The following GPC6 variants were observed in gnomAD, a reference collection of about 807,000 sequenced individuals.
The protein encoded by GPC6 is glypican 6.
In GPC6, 14 loss-of-function variants were observed where a neutral mutation model predicts 55.2. That is an observed-to-expected ratio of 0.25 (90% CI 0.17 to 0.40). The LOEUF (loss-of-function observed/expected upper bound fraction) is 0.40, where lower values mean the gene tolerates loss of function less well. Among genes scored for constraint, GPC6 ranks in the 10% least tolerant of loss-of-function variants. GPC6 has a pLI of 1.00. For synonymous variants in GPC6, 278 were observed against 259.6 expected (o/e 1.07, Z -0.68); for missense variants, 641 against 708.5 (o/e 0.90, Z 1.08).
chr13:94,212,418 T>C (rs1043941241), intron 4 of GPC6, among the ~76,000 whole-genome samples: 17 of 152,218 alleles, frequency 1.1e-4, no homozygotes, highest in African/African-American at 3.9e-4. Flanking sequence ...GTAACATCTG[T>C]ATTACATACC....
chr13:94,400,880 T>C (rs947380928), intron 8 of GPC6, among the ~76,000 whole-genome samples: 1 of 152,202 alleles, frequency 6.6e-6, no homozygotes, highest in African/African-American at 2.4e-5. Context: ...AACAGATAGA[T>C]GTTATTACTC....
chr13:93,396,490 G>A (rs1385750427), intron 1 of GPC6, among the ~76,000 whole-genome samples: 2 of 152,030 alleles, frequency 1.3e-5, no homozygotes, highest in Non-Finnish European at 2.9e-5. Context: ...TTGAACCCGG[G>A]AGGCGGAGGT....
chr13:93,929,417 A>G (rs1878039108), intron 3 of GPC6, among the ~76,000 whole-genome samples: 1 of 152,228 alleles, frequency 6.6e-6, no homozygotes, highest in Non-Finnish European at 1.5e-5. Flanking sequence ...GTCATCCTCA[A>G]GTGGCGTATA....
At chr13:94,050,853 G>A (rs933072667) in intron 4 of GPC6, among the ~76,000 whole-genome samples, 2 of 152,112 alleles carry the variant, frequency 1.3e-5, no homozygotes, top group African/African-American at 4.8e-5. Context: ...CACTCCTTCA[G>A]TGCCTACCAG....
intron 1 of GPC6, among the ~76,000 whole-genome samples, chr13:93,516,848 G>T (rs147829227): frequency 1.3e-5 from 2 of 152,048 alleles, no homozygotes; most frequent in African/African-American, 4.8e-5. Context: ...TGAATTGGGT[G>T]GATATGCAGT....
rs141401050 is a variant in GPC6 at position 93,606,893 on chromosome 13, A to G, written c.319+61472A>G. 5.4e-3 allele frequency among the ~76,000 whole-genome samples: 826 copies of G among 152,356 alleles called. 10 individuals carry two copies. Among genetic ancestry groups the G allele is most frequent in the African/African-American group, 0.019 (792 of 41,592 alleles). Reference sequence around the variant, plus strand: ...CCATTTTACAAACAAATCAAACTCCAGCAGGACCTAAAAATATTAGAGATT... The same window carrying G: ...CCATTTTACAAACAAATCAAACTCCGGCAGGACCTAAAAATATTAGAGATT... On this transcript the variant is annotated intron_variant, in intron 2 of 8. Transcript: ENST00000377047.
At chr13:93,385,016 A>G (rs769908181) in intron 1 of GPC6, among the ~76,000 whole-genome samples, 2 of 152,210 alleles carry the variant, frequency 1.3e-5, no homozygotes, top group Non-Finnish European at 2.9e-5. Context: ...GAAGGGAATC[A>G]AATAAGCAAG....
At chr13:94,295,537 G>C (rs948447832) in intron 5 of GPC6, among the ~76,000 whole-genome samples, 5 of 152,038 alleles carry the variant, frequency 3.3e-5, no homozygotes, top group Non-Finnish European at 7.4e-5. Flanking sequence ...AAAGGGAGAT[G>C]GATCTCTAAA....
chr13:93,530,977 T>A (rs1189525087), intron 1 of GPC6, among the ~76,000 whole-genome samples: 1 of 152,182 alleles, frequency 6.6e-6, no homozygotes, highest in African/African-American at 2.4e-5. Context: ...ACTGGAAAGT[T>A]GGTTAACACA....
chr13:93,400,841 A>G (rs1268887007), intron 1 of GPC6, among the ~76,000 whole-genome samples: 1 of 152,170 alleles, frequency 6.6e-6, no homozygotes, highest in African/African-American at 2.4e-5. Flanking sequence ...GGTTTGATGC[A>G]GAGCTGGGGG....
intron 1 of GPC6, among the ~76,000 whole-genome samples, chr13:93,484,147 T>C (rs1879615977): frequency 6.8e-6 from 1 of 146,122 alleles, no homozygotes; most frequent in African/African-American, 2.5e-5. Context: ...CTTCAGCATC[T>C]GCCATAGCAA....
intron 4 of GPC6, among the ~76,000 whole-genome samples, chr13:94,245,692 CT>C (rs1446219693): frequency 6.6e-6 from 1 of 151,894 alleles, no homozygotes; most frequent in Non-Finnish European, 1.5e-5. Flanking sequence ...GCAAGATCTC[CT>C]TTTTTAAGGC....
chr13:94,266,729 A>G (rs1186926323), intron 4 of GPC6, among the ~76,000 whole-genome samples: 5 of 152,170 alleles, frequency 3.3e-5, no homozygotes, highest in Non-Finnish European at 5.9e-5. Flanking sequence ...GATAATTGCA[A>G]GTGTTGCTTG....
intron 4 of GPC6, among the ~76,000 whole-genome samples, chr13:94,184,388 A>G (rs371561559): frequency 2.6e-4 from 39 of 152,320 alleles, no homozygotes; most frequent in East Asian, 1.7e-3. Flanking sequence ...CAAACTATGC[A>G]TCCAACAAAG....
Position 94,047,877 on chromosome 13 carries a change from A to T in GPC6, c.877+19983A>T, listed in dbSNP as rs1883786286. On this transcript the variant is annotated intron_variant, in intron 4 of 8. Coordinates refer to ENST00000377047, the MANE Select transcript of GPC6 (RefSeq NM_005708.5). ...TAAGTGTTTGGCCAAATCTCACAGC[A>T]TCTGACTCCAGATTCGCAGTTGATA... 3.3e-5 allele frequency among the ~76,000 whole-genome samples: 5 copies of T among 152,282 alleles called. No homozygotes were observed. The South Asian group carries it at 1.0e-3, about 32-fold the overall frequency.
At chr13:93,236,545 G>A (rs1023417988) in intron 1 of GPC6, among the ~76,000 whole-genome samples, 2 of 152,130 alleles carry the variant, frequency 1.3e-5, no homozygotes, top group Non-Finnish European at 2.9e-5. Context: ...GCCTCCTGTC[G>A]AATCAGCAGC....
intron 2 of GPC6, among the ~76,000 whole-genome samples, chr13:93,777,494 C>T (rs1885508732): frequency 6.6e-6 from 1 of 152,130 alleles, no homozygotes; most frequent in Non-Finnish European, 1.5e-5. Context: ...AAAATTATTT[C>T]ATTAAGTGAA....
chr13:93,549,264 C>T (rs997058018), intron 2 of GPC6, among the ~76,000 whole-genome samples: 2 of 152,118 alleles, frequency 1.3e-5, no homozygotes, highest in African/African-American at 2.4e-5. Flanking sequence ...CATATTAAAA[C>T]GTAGACAAGG....
intron 2 of GPC6, among the ~76,000 whole-genome samples, chr13:93,679,564 T>C (rs1881772346): frequency 6.6e-6 from 1 of 152,196 alleles, no homozygotes; most frequent in Non-Finnish European, 1.5e-5. Flanking sequence ...TGTTATCTAG[T>C]CATATTGGTA....
Sources: gnomAD v4.1 joint callset for allele counts (sites outside exome capture counted in the v4.1 genomes callset) on GRCh38, gnomAD v4.1.1 for gene constraint, MANE v1.5 for transcripts, NCBI Gene and HGNC (gene_info 2026-07-23, HGNC 2026-07-21) for gene names.